DPY19L1: variants seen among roughly 807,000 people sequenced by gnomAD.
The protein encoded by DPY19L1 is dpy-19 like C-mannosyltransferase 1, also known as protein C-mannosyl-transferase DPY19L1.
Under a neutral mutation model 96.9 loss-of-function variants are expected in DPY19L1, and 35 were observed. The ratio of observed to expected loss-of-function variants is 0.36; its 90% CI spans 0.28 to 0.48. The LOEUF is 0.48. DPY19L1 is among the 20% of genes least tolerant of loss of function. The pLI, the probability that DPY19L1 is intolerant of heterozygous loss-of-function variation, is 0.99. For missense variants in DPY19L1, 521 were observed against 777.9 expected, an observed-to-expected ratio of 0.67 and a Z score of 3.93; for synonymous variants, 205 against 252.6, an observed-to-expected ratio of 0.81 and a Z score of 1.79.
At chr7:34,995,934 G>C (rs1785274464) in intron 6 of DPY19L1, among the ~76,000 whole-genome samples, 1 of 143,866 alleles carries the variant, frequency 7.0e-6, no homozygotes, top group Non-Finnish European at 1.5e-5. Flanking sequence ...GCGGTGGGGG[G>C]GATTCACTGG....
upstream of DPY19L1, chr7:35,037,835 G>T (rs1174831887): frequency 4.1e-6 from 5 of 1,231,176 alleles, no homozygotes; most frequent in African/African-American, 3.1e-5. Context: ...GCGCCCGCGC[G>T]GGGCTCGGCC....
At chr7:34,996,272 C>T (rs1785282050) in intron 6 of DPY19L1, among the ~76,000 whole-genome samples, 1 of 152,208 alleles carries the variant, frequency 6.6e-6, no homozygotes, top group African/African-American at 2.4e-5. Context: ...GTCATTGTTG[C>T]TCTTGGTACT....
chr7:34,973,633 T>C (rs1784774265), intron 7 of DPY19L1, 28 bp from the exon 8 acceptor site: 1 of 1,283,560 alleles, frequency 7.8e-7, no homozygotes, highest in African/African-American at 1.5e-5. Flanking sequence ...TAGTATAGTA[T>C]ACTTGCTAAA....
chr7:35,033,817 GGTCC>G, intron 1 of DPY19L1, among the ~76,000 whole-genome samples: 1 of 151,996 alleles, frequency 6.6e-6, no homozygotes, highest in East Asian at 1.9e-4. Context: ...TAAAAGCTGT[GGTCC>G]CAAATGACAC....
rs529707195 is a variant in DPY19L1 at position 34,984,733 on chromosome 7, T to C, written c.822+5151A>G. Among the ~76,000 whole-genome samples, 8 of 152,314 alleles carry C rather than the reference T, an allele frequency of 5.3e-5. No individual in the cohort carries two copies. In the East Asian group the frequency reaches 1.3e-3, roughly 26 times the overall value. On this transcript the variant is annotated intron_variant, in intron 7 of 21. Coordinates refer to ENST00000638088, the MANE Select transcript of DPY19L1 (RefSeq NM_001366673.1). ...TTCATGTAAAACATAATTTAAATCATGTCACTCTACTAGTCATCATCCTCT... is the reference window on the plus strand; with the variant it reads ...TTCATGTAAAACATAATTTAAATCACGTCACTCTACTAGTCATCATCCTCT...
At chr7:34,989,250 T>C (rs1037517729) in intron 7 of DPY19L1, among the ~76,000 whole-genome samples, 1 of 152,224 alleles carries the variant, frequency 6.6e-6, no homozygotes, top group Non-Finnish European at 1.5e-5. Context: ...CAAAAGAAAG[T>C]TGTATCAATT....
rs138621326 is a variant in DPY19L1 at position 34,964,649 on chromosome 7, A to G, written c.1092+2245T>C. ...TACACCGATTCATCTAAACAGATGT[A>G]GTAAAGCATTTCATGAAACTTAACA... On this transcript the variant is annotated intron_variant, in intron 10 of 21. Coordinates refer to ENST00000638088, the MANE Select transcript of DPY19L1 (RefSeq NM_001366673.1). 1.5e-3 allele frequency among the ~76,000 whole-genome samples: 236 copies of G among 152,360 alleles called. 1 individual carries two copies. Among genetic ancestry groups the G allele is most frequent in the African/African-American group, 5.6e-3 (231 of 41,592 alleles).
intron 6 of DPY19L1, among the ~76,000 whole-genome samples, chr7:35,008,397 CA>C (rs1785616061): frequency 6.6e-6 from 1 of 152,186 alleles, no homozygotes; most frequent in African/African-American, 2.4e-5. Flanking sequence ...CCAAAACCAC[CA>C]AAAACCCCTC....
At chr7:35,027,690 T>TAAAAAAAAAAAAAAAAAAAAAAAAAAA (rs1786160763) in intron 1 of DPY19L1, among the ~76,000 whole-genome samples, 1 of 69,446 alleles carries the variant, frequency 1.4e-5, no homozygotes, top group African/African-American at 4.2e-5. Context: ...AAAAAAAAAT[T>TAAAAAAAAAAAAAAAAAAAAAAAAAAA]AGTTGGGCAT....
intron 7 of DPY19L1, chr7:34,987,932 T>C (rs1036507113): frequency 6.6e-6 from 1 of 152,024 alleles, no homozygotes; most frequent in Non-Finnish European, 1.5e-5. Flanking sequence ...ACTATTTCAG[T>C]AAAACTGAAA....
chr7:34,987,456 C>T, intron 7 of DPY19L1, among the ~76,000 whole-genome samples: 2 of 152,098 alleles, frequency 1.3e-5, no homozygotes, highest in Non-Finnish European at 2.9e-5. Context: ...CAAAAATTTT[C>T]CCTTATAAAA....
intron 11 of DPY19L1, among the ~76,000 whole-genome samples, chr7:34,955,602 C>T (rs2114732): frequency 0.22 from 33,065 of 151,986 alleles, 4,254 homozygotes; most frequent in Non-Finnish European, 0.29. Context: ...AAAGGAATCA[C>T]CATATGTAAA....
At chr7:34,969,349 A>T in intron 9 of DPY19L1, 84 bp downstream of exon 9, 7 of 678,332 alleles carry the variant, frequency 1.0e-5, no homozygotes, top group Non-Finnish European at 1.3e-5. Context: ...GAACCATAGA[A>T]TATCTCAGTT....
chr7:35,018,674 A>G, intron 1 of DPY19L1, 78 bp from the exon 2 acceptor site: 1 of 1,289,552 alleles, frequency 7.8e-7, no homozygotes, highest in South Asian at 1.3e-5. Flanking sequence ...TCAAAGATAA[A>G]GCATGTCAAA....
At chr7:35,002,139 A>C (rs1785441618) in intron 6 of DPY19L1, among the ~76,000 whole-genome samples, 2 of 151,284 alleles carry the variant, frequency 1.3e-5, no homozygotes, top group Admixed American at 6.6e-5. Flanking sequence ...AAAAAAAAAA[A>C]AAACAAAACA....
At chr7:34,991,770 CAT>C (rs1785173684) in intron 6 of DPY19L1, among the ~76,000 whole-genome samples, 1 of 152,302 alleles carries the variant, frequency 6.6e-6, no homozygotes, top group South Asian at 2.1e-4. Context: ...ACCACACAAA[CAT>C]ATATTTTCTA....
intron 6 of DPY19L1, chr7:35,000,703 G>A (rs570250576): frequency 2.2e-4 from 34 of 152,130 alleles, no homozygotes; most frequent in African/African-American, 5.5e-4. Flanking sequence ...AGAATCCTTC[G>A]GAAATGAATT....
chr7:34,953,606 T>C (rs1784313736), intron 13 of DPY19L1, among the ~76,000 whole-genome samples: 1 of 152,214 alleles, frequency 6.6e-6, no homozygotes, highest in African/African-American at 2.4e-5. Flanking sequence ...GTATTGTAAC[T>C]GCTAGGAATT....
chr7:34,978,638 G>T (rs1162076026), intron 7 of DPY19L1, among the ~76,000 whole-genome samples: 3 of 152,126 alleles, frequency 2.0e-5, no homozygotes, highest in African/African-American at 2.4e-5. Context: ...TTGATAATAA[G>T]TAAGCCTGGT....
Sources: allele counts gnomAD v4.1 joint callset (sites outside exome capture counted in the v4.1 genomes callset), GRCh38; gene constraint gnomAD v4.1.1; transcripts MANE v1.5; gene names NCBI Gene and HGNC (gene_info 2026-07-23, HGNC 2026-07-21).